Variants in TC2N observed in about 807,000 individuals in gnomAD.
TC2N encodes tandem C2 domains nuclear protein.
A neutral mutation model predicts 61.9 loss-of-function variants in TC2N; 51 were observed. That is an observed-to-expected ratio of 0.82 (90% CI 0.66 to 1.04). The LOEUF (loss-of-function observed/expected upper bound fraction) is 1.04. Ranked by LOEUF, TC2N falls within the 50% of genes least tolerant of loss-of-function variation. The pLI is 0.00. For synonymous variants in TC2N, 204 were observed against 192.6 expected (o/e 1.06, Z -0.49); for missense variants, 556 against 566.7 (o/e 0.98, Z 0.19).
At chr14:91,787,971 C>T (rs925582446) in intron 9 of TC2N, among the ~76,000 whole-genome samples, 1 of 151,930 alleles carries the variant, frequency 6.6e-6, no homozygotes, top group African/African-American at 2.4e-5. Context: ...TTCAAAACAA[C>T]TAAATGTAGT....
chr14:91,857,872 G>A lies in TC2N; in HGVS notation c.-57+9390C>T, dbSNP rs192979932. Among the ~76,000 whole-genome samples the A allele has an allele frequency of 5.3e-5, 8 of 152,286 alleles. No homozygotes were observed. The East Asian group carries it at 1.5e-3, about 29-fold the overall frequency. On this transcript the variant is annotated intron_variant, in intron 1 of 11. Coordinates refer to ENST00000435962, the MANE Select transcript of TC2N (RefSeq NM_001128596.3). ...AACAGCTGTTTGGCCAGGGACCACA[G>A]CAAAAAAGTGTTCATGCAGGGATAT... is the stretch of plus-strand genomic sequence containing the variant.
At chr14:91,825,026 C>CTTTTTTTTTTTTTTTTTTTTT (rs5810554) in intron 1 of TC2N, among the ~76,000 whole-genome samples, 2 of 66,860 alleles carry the variant, frequency 3.0e-5, no homozygotes, top group Admixed American at 2.5e-4. Context: ...TTTTTCTTTT[C>CTTTTTTTTTTTTTTTTTTTTT]TTTTTTTTTT....
chr14:91,793,629 A>T (rs1885762423), intron 8 of TC2N, among the ~76,000 whole-genome samples: 1 of 152,072 alleles, frequency 6.6e-6, no homozygotes, highest in South Asian at 2.1e-4. Flanking sequence ...TGATATTACT[A>T]TTGTAATTGT....
chr14:91,812,009 C>A, intron 3 of TC2N: 4 of 157,908 alleles, frequency 2.5e-5, no homozygotes, highest in Admixed American at 6.4e-5. Flanking sequence ...TTTTTTTTTT[C>A]TGAATATTTT....
At chr14:91,794,575 A>C (rs1302597727) in intron 8 of TC2N, among the ~76,000 whole-genome samples, 1 of 151,858 alleles carries the variant, frequency 6.6e-6, no homozygotes, top group Non-Finnish European at 1.5e-5. Flanking sequence ...TATAAAGGGA[A>C]CAACAAAGCC....
Position 91,819,413 on chromosome 14 carries a change from T to C in TC2N, c.-56-5588A>G, listed in dbSNP as rs572091277. The stretch of plus-strand genomic sequence containing the variant: ...AAAAACAGTAGAGCAAGATCTTTAA[T>C]GTACTGAAAGAAAAAAACCCATCAA... On this transcript the variant is annotated intron_variant, in intron 1 of 11. Coordinates refer to ENST00000435962, the MANE Select transcript of TC2N (RefSeq NM_001128596.3). 6.6e-5 allele frequency among the ~76,000 whole-genome samples: 10 copies of C among 152,190 alleles called. No homozygotes were observed. In the East Asian group the frequency reaches 1.5e-3, roughly 23 times the overall value.
At chr14:91,853,181 G>A (rs1178472768) in intron 1 of TC2N, among the ~76,000 whole-genome samples, 1 of 152,204 alleles carries the variant, frequency 6.6e-6, no homozygotes, top group African/African-American at 2.4e-5. Flanking sequence ...TTGGAGTTGA[G>A]AAATGACATG....
chr14:91,812,439 A>G lies in TC2N; in HGVS notation c.174T>C (p.Thr58=). 1 of 1,612,138 alleles carries G rather than the reference A, an allele frequency of 6.2e-7. No individual in the cohort carries two copies. The highest frequency in any genetic ancestry group is 8.5e-7 in the Non-Finnish European group (1 of 1,178,534). Residue 58 remains threonine, a synonymous_variant, in exon 3 of 12, where the codon ACT becomes ACC. Coordinates refer to ENST00000435962, the MANE Select transcript of TC2N (RefSeq NM_001128596.3). The part of the protein sequence containing the change: ...SVSVKPQLGC[T]EDYLLSKLPS... ...GTAATTTGGAAAGCAAATAATCCTCAGTACAGCCAAGCTGAGGCTTTACAG... is the reference window on the plus strand; with the variant it reads ...GTAATTTGGAAAGCAAATAATCCTCGGTACAGCCAAGCTGAGGCTTTACAG...
chr14:91,820,811 C>T (rs1887213441), intron 1 of TC2N, among the ~76,000 whole-genome samples: 1 of 151,648 alleles, frequency 6.6e-6, no homozygotes, highest in Non-Finnish European at 1.5e-5. Context: ...ATATACTAAC[C>T]ATGAACACTC....
intron 3 of TC2N, among the ~76,000 whole-genome samples, chr14:91,811,111 T>C (rs918080509): frequency 1.3e-5 from 2 of 152,270 alleles, no homozygotes; most frequent in African/African-American, 4.8e-5. Context: ...GCTCACTGTG[T>C]GTAAAATTTA....
chr14:91,842,000 A>G (rs1342981721), intron 1 of TC2N, among the ~76,000 whole-genome samples: 3 of 131,818 alleles, frequency 2.3e-5, no homozygotes, highest in African/African-American at 8.4e-5. Context: ...TTTTTGAGAC[A>G]GGGTCTGGAG....
intron 3 of TC2N, among the ~76,000 whole-genome samples, chr14:91,810,129 C>T (rs1428351068): frequency 2.0e-5 from 3 of 152,204 alleles, no homozygotes; most frequent in Non-Finnish European, 4.4e-5. Flanking sequence ...CACACGGCAA[C>T]AGCAGGAGCA....
At chr14:91,846,398 C>T (rs902390811) in intron 1 of TC2N, among the ~76,000 whole-genome samples, 7 of 152,112 alleles carry the variant, frequency 4.6e-5, no homozygotes, top group African/African-American at 1.7e-4. Flanking sequence ...TTCCCTTGTC[C>T]ACCGAAAGAC....
At chr14:91,798,468 C>T in intron 6 of TC2N, 69 bp from the exon 7 acceptor site, 2 of 834,498 alleles carry the variant, frequency 2.4e-6, no homozygotes, top group South Asian at 3.2e-5. Flanking sequence ...AGCTTTGACA[C>T]AATCCAATTT....
chr14:91,851,274 ATACAGGGTGTG>A (rs770638573), intron 1 of TC2N, among the ~76,000 whole-genome samples: 1 of 152,236 alleles, frequency 6.6e-6, no homozygotes, highest in Non-Finnish European at 1.5e-5. Context: ...CTTTACAATA[ATACAGGGTGTG>A]TATAAATATT....
rs1888721559 is a variant in TC2N, at chr14:91,867,263, C to T, written c.-58G>A. The T allele has an allele frequency of 6.6e-6, 1 of 152,122 alleles. No individual in the cohort carries two copies. The highest frequency in any genetic ancestry group is 1.5e-5 in the Non-Finnish European group (1 of 68,034). The allele number at this position is 152,122 out of a possible 1,614,324, so 9.4% of individuals were successfully genotyped here. ...TTTGAGAAGTTCATGGAGACTTACC[C>T]CTGTGTTCTGTTGAGCCCAGAGGCA... On this transcript the variant is annotated splice_region_variant and 5_prime_UTR_variant, in exon 1 of 12. Coordinates refer to ENST00000435962, the MANE Select transcript of TC2N (RefSeq NM_001128596.3).
intron 1 of TC2N, among the ~76,000 whole-genome samples, chr14:91,865,569 AC>A (rs1311157072): frequency 1.3e-5 from 2 of 152,102 alleles, no homozygotes; most frequent in Non-Finnish European, 2.9e-5. Flanking sequence ...CTAAGTGCTC[AC>A]GTTTTTTTTC....
rs1295188587 is a variant in TC2N, at chr14:91,782,941, T to C, written c.*159A>G. On this transcript the variant is annotated 3_prime_UTR_variant, in exon 12 of 12. Coordinates refer to ENST00000435962, the MANE Select transcript of TC2N (RefSeq NM_001128596.3). ...GGATATCTGATAAAATTCATTACAT[T>C]TTCTTATCAAATTTTCTATCAGATA... 4.2e-5 allele frequency: 21 copies of C among 505,304 alleles called. No individual in the cohort carries two copies. Among genetic ancestry groups the C allele is most frequent in the Non-Finnish European group, 4.9e-5 (14 of 286,528 alleles). The allele number at this position is 505,304 out of a possible 1,614,324, so 31.3% of individuals were successfully genotyped here. A position where few individuals can be genotyped will look rare whatever the true frequency, so the allele number is the denominator to read the frequency against.
At chr14:91,858,535 T>C (rs17127633) in intron 1 of TC2N, among the ~76,000 whole-genome samples, 6,076 of 152,216 alleles carry the variant, frequency 0.04, 321 homozygotes, top group African/African-American at 0.11. Flanking sequence ...AAATGCAGTA[T>C]ACTTTGGGGT....
Sources: gnomAD v4.1 joint callset for allele counts (sites outside exome capture counted in the v4.1 genomes callset) on GRCh38, gnomAD v4.1.1 for gene constraint, MANE v1.5 for transcripts, NCBI Gene and HGNC (gene_info 2026-07-23, HGNC 2026-07-21) for gene names.